Variants in CCDC171 observed in about 807,000 individuals in gnomAD.
The protein encoded by CCDC171 is coiled-coil domain containing 171.
Under a neutral mutation model 168.2 loss-of-function variants are expected in CCDC171, and 177 were observed. That is an observed-to-expected ratio of 1.05 (90% CI 0.93 to 1.19). CCDC171 has a LOEUF of 1.19. Ranked by LOEUF, CCDC171 falls within the 50% of genes most tolerant of loss-of-function variation. The pLI is 0.00. For synonymous variants in CCDC171, 687 were observed against 540.8 expected (o/e 1.27, Z -3.75); for missense variants, 1,991 against 1,539.0 (o/e 1.29, Z -4.91).
At chr9:15,990,404 T>G (rs1187335665) in intron 3 of CCDC171, among the ~76,000 whole-genome samples, 1 of 152,130 alleles carries the variant, frequency 6.6e-6, no homozygotes, top group Non-Finnish European at 1.5e-5. Context: ...CAAGCCTGCC[T>G]TACAAGAGTT....
chr9:16,055,793 G>A (rs1184039298), intron 1 of CCDC171, among the ~76,000 whole-genome samples: 6 of 152,196 alleles, frequency 3.9e-5, no homozygotes, highest in Non-Finnish European at 7.3e-5. Context: ...TGGTTCAAGC[G>A]GATTATTCCT....
At chr9:15,789,736 C>T (rs921504202) in intron 21 of CCDC171, among the ~76,000 whole-genome samples, 13 of 151,360 alleles carry the variant, frequency 8.6e-5, no homozygotes, top group African/African-American at 2.7e-4. Context: ...TATCTCCTAA[C>T]GCTATACCTT....
the CCDC171 span, among the ~76,000 whole-genome samples, chr9:16,096,569 C>A: frequency 1.3e-5 from 2 of 152,200 alleles, no homozygotes; most frequent in African/African-American, 2.4e-5. Flanking sequence ...TAACTTCTCA[C>A]TTGTTCTTTG....
At chr9:15,677,100 G>C (rs2049635667) in intron 9 of CCDC171, among the ~76,000 whole-genome samples, 1 of 152,038 alleles carries the variant, frequency 6.6e-6, no homozygotes, top group Admixed American at 6.6e-5. Context: ...CAATTTTAGA[G>C]ACTGGAGTAA....
chr9:15,778,072 T>C (rs1006296306), intron 19 of CCDC171, among the ~76,000 whole-genome samples: 4 of 145,504 alleles, frequency 2.7e-5, no homozygotes, highest in East Asian at 2.0e-4. Flanking sequence ...CCGAGGCGGG[T>C]GGATCATGAG....
intron 18 of CCDC171, among the ~76,000 whole-genome samples, chr9:15,757,355 T>C (rs555657035): frequency 6.6e-6 from 1 of 152,314 alleles, no homozygotes; most frequent in East Asian, 1.9e-4. Context: ...GCAAATAGAC[T>C]GGCGGTGTTT....
At chr9:15,975,796 A>C (rs1339850266), downstream of CCDC171, among the ~76,000 whole-genome samples, 2 of 152,206 alleles carry the variant, frequency 1.3e-5, no homozygotes, top group Non-Finnish European at 2.9e-5. Context: ...TGGCCGTACG[A>C]GATGTTCATA....
At chr9:15,616,210 C>G (rs2044072446) in intron 6 of CCDC171, among the ~76,000 whole-genome samples, 1 of 152,070 alleles carries the variant, frequency 6.6e-6, no homozygotes, top group African/African-American at 2.4e-5. Flanking sequence ...CTTTGGCCTC[C>G]CAAAGTGCTG....
the CCDC171 span, among the ~76,000 whole-genome samples, chr9:16,099,819 A>C: frequency 0.027 from 4,101 of 152,334 alleles, 79 homozygotes; most frequent in Non-Finnish European, 0.041. Context: ...GCAAGTGGTT[A>C]GGGAACTCAG....
intron 3 of CCDC171, among the ~76,000 whole-genome samples, chr9:15,979,389 T>C (rs555541386): frequency 2.6e-4 from 40 of 152,304 alleles, no homozygotes; most frequent in Middle Eastern, 6.8e-3. Context: ...AAGCATTAAG[T>C]CTTATACCAT....
rs1276107023 is a variant in CCDC171, at chr9:15,777,483, C to T, written c.2672-117C>T. 3 of 600,642 alleles carry T rather than the reference C, an allele frequency of 5.0e-6. No homozygotes were observed. The African/African-American group carries it at 5.6e-5, about 11-fold the overall frequency. 37.2% of individuals were successfully genotyped at this position (600,642 alleles called of 1,614,324 possible). ...GGGAAGGACCTTTTTGAATGAATTA[C>T]TACAGGTGAATGGGAATTATATAAT... On this transcript the variant is annotated intron_variant, in intron 18 of 25. Transcript: ENST00000380701.
intron 21 of CCDC171, among the ~76,000 whole-genome samples, chr9:15,840,055 C>T (rs917885099): frequency 7.2e-5 from 11 of 151,984 alleles, no homozygotes; most frequent in Admixed American, 2.6e-4. Context: ...AACATATTCA[C>T]GTTAAATAAT....
chr9:15,739,989 G>T (rs1274100923), intron 16 of CCDC171, among the ~76,000 whole-genome samples: 1 of 152,014 alleles, frequency 6.6e-6, no homozygotes, highest in Middle Eastern at 3.2e-3. Context: ...CACCTGCCTT[G>T]GCCTACCAAA....
Position 16,007,625 on chromosome 9 carries a change from G to T in CCDC171, n.369-12964G>T, listed in dbSNP as rs911018576. ...AATTTTAGTATAAGGTGTAAGGAAG[G>T]GATCCAGTTTCAGCTTTCTACATAT... On this transcript the variant is annotated intron_variant and non_coding_transcript_variant, in intron 3 of 9. Transcript: ENST00000486641. Among the ~76,000 whole-genome samples, 4 of 152,266 alleles carry T rather than the reference G, an allele frequency of 2.6e-5. No homozygotes were observed. The East Asian group carries it at 7.7e-4, about 29-fold the overall frequency.
At chr9:16,105,872 T>C in the CCDC171 span, among the ~76,000 whole-genome samples, 1 of 152,250 alleles carries the variant, frequency 6.6e-6, no homozygotes. Context: ...GTATATATTA[T>C]AAACTCCAAA....
At chr9:15,831,009 G>C (rs920695890) in intron 21 of CCDC171, among the ~76,000 whole-genome samples, 1 of 120,240 alleles carries the variant, frequency 8.3e-6, no homozygotes, top group African/African-American at 3.1e-5. Flanking sequence ...TCGCTCTGCC[G>C]CCCAGGCTGG....
intron 1 of CCDC171, among the ~76,000 whole-genome samples, chr9:15,557,455 A>G (rs913377793): frequency 6.6e-6 from 1 of 152,014 alleles, no homozygotes; most frequent in African/African-American, 2.4e-5. Context: ...GAGGTCCTTC[A>G]CTTCCTTTGT....
chr9:15,819,018 A>C lies in CCDC171; in HGVS notation c.3268-27684A>C, dbSNP rs958801231. ...TCTCGGCAGAAACTCTACAAGCCAGAAGAGAGTGGGGGCCAATATTCAACA... is the reference window on the plus strand; with the variant it reads ...TCTCGGCAGAAACTCTACAAGCCAGCAGAGAGTGGGGGCCAATATTCAACA... On this transcript the variant is annotated intron_variant, in intron 21 of 25. Coordinates refer to ENST00000380701, the MANE Select transcript of CCDC171 (RefSeq NM_173550.4). Among the ~76,000 whole-genome samples the C allele has an allele frequency of 4.3e-5, 5 of 117,124 alleles. 1 individual carries two copies. The highest frequency in any genetic ancestry group is 9.6e-5 in the Non-Finnish European group (5 of 52,156). 76.8% of individuals were successfully genotyped at this position (117,124 alleles called of 152,430 possible).
chr9:16,018,695 C>T (rs139286555), intron 3 of CCDC171, among the ~76,000 whole-genome samples: 1 of 152,324 alleles, frequency 6.6e-6, no homozygotes, highest in East Asian at 1.9e-4. Context: ...AGCTGTGCTC[C>T]AACACAGTGG....
Sources: gnomAD v4.1 joint callset for allele counts (sites outside exome capture counted in the v4.1 genomes callset) on GRCh38, gnomAD v4.1.1 for gene constraint, MANE v1.5 for transcripts, NCBI Gene and HGNC (gene_info 2026-07-23, HGNC 2026-07-21) for gene names.